Variants in LOXHD1 observed in about 807,000 individuals in gnomAD.
LOXHD1 encodes lipoxygenase homology PLAT domains 1.
In LOXHD1, 205 loss-of-function variants were observed where a neutral mutation model predicts 248.2. That is an observed-to-expected ratio of 0.83 (90% CI 0.74 to 0.93). LOXHD1 has a LOEUF of 0.93. Ranked by LOEUF, LOXHD1 falls within the 40% of genes least tolerant of loss-of-function variation. The pLI is 0.00. For missense variants in LOXHD1, 2,930 were observed against 2,971.6 expected (o/e 0.99, Z 0.33); for synonymous variants, 1,113 against 1,162.8 (o/e 0.96, Z 0.87).
chr18:46,553,479 C>G (rs1038271804), intron 21 of LOXHD1, among the ~76,000 whole-genome samples: 11 of 152,324 alleles, frequency 7.2e-5, no homozygotes, highest in South Asian at 2.1e-4. Flanking sequence ...CATAACTGAG[C>G]AGCTAGTTAA....
intron 37 of LOXHD1, among the ~76,000 whole-genome samples, chr18:46,498,709 T>C (rs1428070081): frequency 3.9e-5 from 6 of 152,206 alleles, no homozygotes; most frequent in Admixed American, 2.6e-4. Context: ...CAAGTCGTCA[T>C]TGATTTAGGG....
intron 9 of LOXHD1, 120 bp downstream of exon 9, chr18:46,594,211 T>C (rs1002974795): frequency 7.5e-7 from 1 of 1,324,982 alleles, no homozygotes; most frequent in African/African-American, 1.5e-5. Flanking sequence ...CCTTCCTTTC[T>C]GGAGGAGACT....
chr18:46,598,301 G>A (rs2038288279), intron 8 of LOXHD1, among the ~76,000 whole-genome samples: 1 of 152,040 alleles, frequency 6.6e-6, no homozygotes, highest in African/African-American at 2.4e-5. Flanking sequence ...TATAAAAGTA[G>A]AAGGGAATTT....
intron 25 of LOXHD1, among the ~76,000 whole-genome samples, chr18:46,538,590 A>T (rs2036422616): frequency 6.6e-6 from 1 of 152,146 alleles, no homozygotes; most frequent in South Asian, 2.1e-4. Context: ...CTCACATGCC[A>T]GAGCACATGT....
At chr18:46,627,409 T>C (rs992737336) in intron 4 of LOXHD1, among the ~76,000 whole-genome samples, 6 of 151,942 alleles carry the variant, frequency 3.9e-5, no homozygotes, top group Non-Finnish European at 7.4e-5. Flanking sequence ...GGTGCTGCAA[T>C]GGAATGGACA....
intron 6 of LOXHD1, among the ~76,000 whole-genome samples, chr18:46,606,252 G>A (rs975000658): frequency 2.1e-4 from 32 of 152,128 alleles, no homozygotes; most frequent in Admixed American, 1.2e-3. Flanking sequence ...AGAATGTACC[G>A]TAAGAAATAA....
At chr18:46,517,144 G>C (rs992055020) in intron 34 of LOXHD1, among the ~76,000 whole-genome samples, 3 of 152,172 alleles carry the variant, frequency 2.0e-5, no homozygotes, top group Non-Finnish European at 4.4e-5. Context: ...CTTAGGATCC[G>C]AGTCTGTCAT....
chr18:46,617,190 G>A (rs1241775044), intron 5 of LOXHD1, among the ~76,000 whole-genome samples: 2 of 152,160 alleles, frequency 1.3e-5, no homozygotes, highest in African/African-American at 4.8e-5. Flanking sequence ...CCCACATGCA[G>A]TGCAGGCCTA....
Position 46,572,068 on chromosome 18 carries a change from G to T in LOXHD1, c.2047+18C>A, listed in dbSNP as rs542020936. On this transcript the variant is annotated intron_variant, in intron 15 of 40. Transcript: ENST00000642948. ...TCACCAAGGGCACACCCAGCACCTG[G>T]TCATCAGGACAACTCACTCTTCAGT... 2 of 1,550,282 alleles carry T rather than the reference G, an allele frequency of 1.3e-6. No homozygotes were observed. The highest frequency in any genetic ancestry group is 2.4e-5 in the South Asian group (2 of 84,002).
chr18:46,477,844 G>A lies in LOXHD1; in HGVS notation c.6450C>T (p.Ser2150=). The A allele has an allele frequency of 6.4e-7, 1 of 1,551,824 alleles. No individual in the cohort carries two copies. Among genetic ancestry groups the A allele is most frequent in the Non-Finnish European group, 8.7e-7 (1 of 1,147,020 alleles). Reference sequence around the variant, plus strand: ...TGACTTCGTACTTGACGGGCACCAGGCTCTGGACCTTGCTGGCAAAGCTCT... The same window carrying A: ...TGACTTCGTACTTGACGGGCACCAGACTCTGGACCTTGCTGGCAAAGCTCT... ...TTESFASKVQ[S]LVPVKYEVIV... is the part of the protein sequence containing the mutation. Residue 2150 remains serine (S), a synonymous_variant, in exon 41 of 41, where the codon AGC becomes AGT. Transcript: ENST00000642948.
At chr18:46,553,647 G>A (rs2037199474) in intron 21 of LOXHD1, among the ~76,000 whole-genome samples, 1 of 152,228 alleles carries the variant, frequency 6.6e-6, no homozygotes, top group Non-Finnish European at 1.5e-5. Flanking sequence ...AGCAGTAAAT[G>A]AAACAGATGA....
At chr18:46,587,063 A>C (rs2038075417) in intron 12 of LOXHD1, among the ~76,000 whole-genome samples, 2 of 152,238 alleles carry the variant, frequency 1.3e-5, no homozygotes, top group African/African-American at 2.4e-5. Context: ...CCATGAGTTA[A>C]GATTGAGGAG....
intron 25 of LOXHD1, among the ~76,000 whole-genome samples, chr18:46,541,123 T>G (rs148488856): frequency 3.3e-5 from 5 of 152,376 alleles, no homozygotes; most frequent in African/African-American, 1.2e-4. Flanking sequence ...CATACTTACA[T>G]GTCTATAAAC....
At chr18:46,483,836 G>A (rs1425914357) in intron 39 of LOXHD1, 91 bp from the exon 40 acceptor site, 2 of 1,441,956 alleles carry the variant, frequency 1.4e-6, no homozygotes, top group Non-Finnish European at 1.9e-6. Context: ...CCAAGCAGTG[G>A]GCCAGGGAAC....
At chr18:46,498,346 A>C (rs1297879372) in intron 37 of LOXHD1, among the ~76,000 whole-genome samples, 2 of 152,224 alleles carry the variant, frequency 1.3e-5, no homozygotes, top group Admixed American at 6.5e-5. Context: ...CAGACTGTTT[A>C]TATTGAGACC....
intron 12 of LOXHD1, among the ~76,000 whole-genome samples, chr18:46,584,773 A>G (rs1444623617): frequency 1.3e-5 from 2 of 152,146 alleles, no homozygotes; most frequent in East Asian, 3.8e-4. Flanking sequence ...TAAGAAAACT[A>G]CAGACCAATA....
chr18:46,545,954 TTC>T (rs2036803415), intron 22 of LOXHD1, among the ~76,000 whole-genome samples: 1 of 152,112 alleles, frequency 6.6e-6, no homozygotes, highest in Admixed American at 6.5e-5. Context: ...CATTTTTTTT[TTC>T]AGCATGTGTT....
intron 10 of LOXHD1, among the ~76,000 whole-genome samples, 172 bp downstream of exon 10, chr18:46,593,428 T>A (rs547605328): frequency 6.6e-6 from 1 of 152,208 alleles, no homozygotes; most frequent in Non-Finnish European, 1.5e-5. Flanking sequence ...ATTCAATACA[T>A]TGCTTACAAA....
rs2039193151 is a variant in LOXHD1, at chr18:46,657,077, G to A, written c.-44C>T. On this transcript the variant is annotated 5_prime_UTR_variant, in exon 1 of 41. Coordinates refer to ENST00000642948, the MANE Select transcript of LOXHD1 (RefSeq NM_001384474.1). ...CCAGCGCTCGCAGGCTCACTGTGCC[G>A]CCTCCTCACACCTGCGGGAACCTGA... The A allele has an allele frequency of 3.2e-6, 5 of 1,550,972 alleles. No individual in the cohort carries two copies. The highest frequency in any genetic ancestry group is 3.5e-6 in the Non-Finnish European group (4 of 1,146,652).
Sources: gnomAD v4.1 joint callset for allele counts (sites outside exome capture counted in the v4.1 genomes callset) on GRCh38, gnomAD v4.1.1 for gene constraint, MANE v1.5 for transcripts, NCBI Gene and HGNC (gene_info 2026-07-23, HGNC 2026-07-21) for gene names.